Variants in BBS9 observed in about 807,000 individuals in gnomAD.
BBS9 encodes Bardet-Biedl syndrome 9.
BBS9 carries 89 observed loss-of-function variants against 117.7 expected under a neutral mutation model. That is an observed-to-expected ratio of 0.76 (90% CI 0.64 to 0.90). The LOEUF is 0.90. Among genes scored for constraint, BBS9 ranks in the 40% least tolerant of loss-of-function variants. The probability of loss-of-function intolerance (pLI) is 0.00; values close to 1 mark genes in which losing one functional copy is unlikely to be tolerated. For missense variants in BBS9, 982 were observed against 1,042.2 expected, an observed-to-expected ratio of 0.94 and a Z score of 0.80; for synonymous variants, 379 against 370.9, an observed-to-expected ratio of 1.02 and a Z score of -0.25.
At chr7:33,217,032 T>G (rs1475836622) in intron 5 of BBS9, among the ~76,000 whole-genome samples, 1 of 151,960 alleles carries the variant, frequency 6.6e-6, no homozygotes, top group Non-Finnish European at 1.5e-5. Flanking sequence ...GAGGTGGAGG[T>G]TGCAGTGAGC....
chr7:33,230,835 G>A (rs1484332856), intron 5 of BBS9, among the ~76,000 whole-genome samples: 1 of 152,158 alleles, frequency 6.6e-6, no homozygotes, highest in Non-Finnish European at 1.5e-5. Flanking sequence ...AGGGACTTAG[G>A]TTGATTCCAT....
chr7:33,396,042 A>G (rs190175230), intron 19 of BBS9, among the ~76,000 whole-genome samples: 2 of 152,254 alleles, frequency 1.3e-5, no homozygotes, highest in East Asian at 1.9e-4. Context: ...GAAATTTGCA[A>G]TCGTATGTTT....
chr7:33,376,750 G>A (rs1823971483), intron 17 of BBS9, among the ~76,000 whole-genome samples: 1 of 152,124 alleles, frequency 6.6e-6, no homozygotes, highest in Non-Finnish European at 1.5e-5. Flanking sequence ...TGACTGGTGT[G>A]ACATGGTATC....
chr7:33,503,461 T>A (rs1201444426), intron 19 of BBS9, among the ~76,000 whole-genome samples: 1 of 152,212 alleles, frequency 6.6e-6, no homozygotes, highest in Non-Finnish European at 1.5e-5. Flanking sequence ...ATTCACATAA[T>A]AATCGCAATG....
At chr7:33,297,355 T>C (rs1805483518) in intron 9 of BBS9, among the ~76,000 whole-genome samples, 1 of 152,188 alleles carries the variant, frequency 6.6e-6, no homozygotes. Flanking sequence ...CCATGTGATA[T>C]GTACTTTAAA....
chr7:33,224,269 G>A (rs1790822513), intron 5 of BBS9, among the ~76,000 whole-genome samples: 1 of 152,150 alleles, frequency 6.6e-6, no homozygotes. Flanking sequence ...GGATACTGAT[G>A]GTTATAGAAG....
At chr7:33,383,404 TATAAG>T (rs1825433591) in intron 17 of BBS9, among the ~76,000 whole-genome samples, 1 of 152,212 alleles carries the variant, frequency 6.6e-6, no homozygotes, top group Non-Finnish European at 1.5e-5. Context: ...TGAAGCCTAT[TATAAG>T]ATATATAACA....
At chr7:33,420,816 A>T (rs1832752220) in intron 19 of BBS9, among the ~76,000 whole-genome samples, 1 of 152,162 alleles carries the variant, frequency 6.6e-6, no homozygotes, top group Admixed American at 6.5e-5. Flanking sequence ...AAAATTGAGA[A>T]GTATTTTGTG....
At chr7:33,532,535 G>C (rs1850751085) in intron 20 of BBS9, among the ~76,000 whole-genome samples, 1 of 152,114 alleles carries the variant, frequency 6.6e-6, no homozygotes, top group African/African-American at 2.4e-5. Context: ...CAGCAGGGGA[G>C]ATGCCAGATG....
At chr7:33,623,744 A>G (rs1269439347) in intron 21 of BBS9, among the ~76,000 whole-genome samples, 1 of 152,238 alleles carries the variant, frequency 6.6e-6, no homozygotes, top group Admixed American at 6.5e-5. Flanking sequence ...ACAGAAGCAA[A>G]TTATAGAATG....
chr7:33,531,565 G>GA (rs1010336807), intron 20 of BBS9, among the ~76,000 whole-genome samples: 26 of 152,276 alleles, frequency 1.7e-4, no homozygotes, highest in African/African-American at 6.3e-4. Flanking sequence ...TCAGGATGGA[G>GA]AAAAAACTTG....
intron 20 of BBS9, among the ~76,000 whole-genome samples, chr7:33,514,420 G>A (rs890190615): frequency 5.9e-5 from 9 of 152,152 alleles, no homozygotes. Context: ...GGTGACTGGA[G>A]TTTGATGGAA....
chr7:33,532,928 G>T (rs1234932146), intron 20 of BBS9, among the ~76,000 whole-genome samples: 1 of 152,112 alleles, frequency 6.6e-6, no homozygotes, highest in Non-Finnish European at 1.5e-5. Flanking sequence ...CAGGCCCATG[G>T]TGCTCTAGGC....
In BBS9 at chr7:33,129,952, A is replaced by G. The variant is rs1465904703; in HGVS notation, c.-101A>G. 1 of 152,184 alleles carries G rather than the reference A, an allele frequency of 6.6e-6. No homozygotes were observed. Among genetic ancestry groups the G allele is most frequent in the Non-Finnish European group, 1.5e-5 (1 of 68,052 alleles). 9.4% of individuals were successfully genotyped at this position (152,184 alleles called of 1,614,324 possible). On this transcript the variant is annotated 5_prime_UTR_variant, in exon 1 of 23. Transcript: ENST00000242067. ...CCGTTCTTGCTCCCTCTGCTCCATCACTGGGACCTTGTCAGGCGTTCATAA... is the reference window on the plus strand; with the variant it reads ...CCGTTCTTGCTCCCTCTGCTCCATCGCTGGGACCTTGTCAGGCGTTCATAA...
chr7:33,235,382 A>G (rs1189396261), intron 5 of BBS9, among the ~76,000 whole-genome samples: 1 of 152,114 alleles, frequency 6.6e-6, no homozygotes, highest in African/African-American at 2.4e-5. Flanking sequence ...ATGTTTTACT[A>G]GGGAATTTAT....
At chr7:33,396,575 A>G (rs938187129) in intron 19 of BBS9, among the ~76,000 whole-genome samples, 1 of 152,152 alleles carries the variant, frequency 6.6e-6, no homozygotes, top group Admixed American at 6.6e-5. Context: ...ACATGGCCAT[A>G]TTGCCCAAGG....
intron 5 of BBS9, among the ~76,000 whole-genome samples, chr7:33,251,353 C>T (rs1401325550): frequency 2.6e-5 from 4 of 152,178 alleles, no homozygotes; most frequent in African/African-American, 9.7e-5. Context: ...TGTAAATTAT[C>T]CCTGAACCAA....
At chr7:33,197,167 G>A (rs757106892) in intron 5 of BBS9, among the ~76,000 whole-genome samples, 5 of 152,102 alleles carry the variant, frequency 3.3e-5, no homozygotes, top group Non-Finnish European at 5.9e-5. Context: ...GCTTTAAGGT[G>A]ATGCTTGTGG....
chr7:33,462,558 T>A lies in BBS9; in HGVS notation c.2116-42905T>A, dbSNP rs1839619454. On this transcript the variant is annotated intron_variant, in intron 19 of 22. Transcript: ENST00000242067. ...GATTGACTTGGAAAATCACAGTAGC[T>A]GAATTTGAAACTGTAAACGTTCCTA... is the stretch of plus-strand genomic sequence containing the variant. Among the ~76,000 whole-genome samples the A allele has an allele frequency of 4.6e-5, 7 of 152,134 alleles. No homozygotes were observed. The South Asian group carries it at 1.5e-3, about 32-fold the overall frequency.
Sources: allele counts gnomAD v4.1 joint callset (sites outside exome capture counted in the v4.1 genomes callset), GRCh38; gene constraint gnomAD v4.1.1; transcripts MANE v1.5; gene names NCBI Gene and HGNC (gene_info 2026-07-23, HGNC 2026-07-21).